ANO1: variants seen among roughly 807,000 people sequenced by gnomAD.
ANO1 encodes anoctamin 1, also known as anoctamin-1.
In ANO1, 59 loss-of-function variants were observed where a neutral mutation model predicts 124.0. The ratio of observed to expected loss-of-function variants is 0.48; its 90% CI spans 0.39 to 0.59. The LOEUF is 0.59. ANO1 is among the 20% of genes least tolerant of loss of function. The probability of loss-of-function intolerance (pLI) is 0.00; values close to 1 mark genes in which losing one functional copy is unlikely to be tolerated. For missense variants in ANO1, 1,059 were observed against 1,328.0 expected (o/e 0.80, Z 3.15); for synonymous variants, 529 against 532.0 (o/e 0.99, Z 0.08).
At chr11:70,027,216 G>T (rs1856923050) in intron 1 of ANO1, among the ~76,000 whole-genome samples, 1 of 152,154 alleles carries the variant, frequency 6.6e-6, no homozygotes, top group Non-Finnish European at 1.5e-5. Flanking sequence ...TGAAAATATT[G>T]TTGAGTCAAA....
At chr11:70,093,673 C>T (rs926653284) in intron 2 of ANO1, among the ~76,000 whole-genome samples, 7 of 152,218 alleles carry the variant, frequency 4.6e-5, no homozygotes, top group Non-Finnish European at 8.8e-5. Flanking sequence ...AGTCTGTACC[C>T]CACTGGCTCG....
At chr11:70,153,228 G>A (rs1412716143) in intron 14 of ANO1, 100 bp downstream of exon 14, 5 of 1,083,588 alleles carry the variant, frequency 4.6e-6, no homozygotes, top group Non-Finnish European at 6.8e-6. Flanking sequence ...ATTGTAGGCT[G>A]TGTAACCCCG....
At chr11:70,048,389 CT>C (rs1258889485) in intron 1 of ANO1, among the ~76,000 whole-genome samples, 1 of 151,906 alleles carries the variant, frequency 6.6e-6, no homozygotes, top group South Asian at 2.1e-4. Flanking sequence ...AGTTTCTATT[CT>C]TTTTTTCCCC....
At chr11:70,108,877 G>A (rs367766042) in intron 6 of ANO1, among the ~76,000 whole-genome samples, 1 of 152,174 alleles carries the variant, frequency 6.6e-6, no homozygotes, top group Non-Finnish European at 1.5e-5. Flanking sequence ...GCCTAATTCC[G>A]GAAGCTGCCA....
chr11:70,062,633 G>A (rs1257311042), intron 1 of ANO1, among the ~76,000 whole-genome samples: 3 of 152,118 alleles, frequency 2.0e-5, no homozygotes, highest in African/African-American at 4.8e-5. Flanking sequence ...CATGTGCTCC[G>A]TGCCTGTCTC....
intron 22 of ANO1, among the ~76,000 whole-genome samples, chr11:70,179,394 G>A (rs1165983598): frequency 6.6e-6 from 1 of 152,196 alleles, no homozygotes; most frequent in Non-Finnish European, 1.5e-5. Flanking sequence ...TAGTTCTCAT[G>A]GCCACTGGGA....
At chr11:70,007,600 T>G (rs1376137613) in intron 1 of ANO1, among the ~76,000 whole-genome samples, 1 of 152,190 alleles carries the variant, frequency 6.6e-6, no homozygotes, top group Non-Finnish European at 1.5e-5. Context: ...TTTTTAAGGC[T>G]TAACAATATC....
chr11:70,144,481 G>C (rs1282873862), intron 11 of ANO1, among the ~76,000 whole-genome samples: 1 of 152,242 alleles, frequency 6.6e-6, no homozygotes, highest in African/African-American at 2.4e-5. Flanking sequence ...GTGGTCAGCT[G>C]CCCATGCTCA....
intron 25 of ANO1, 55 bp downstream of exon 25, chr11:70,185,750 T>C: frequency 6.4e-7 from 1 of 1,562,948 alleles, no homozygotes; most frequent in Non-Finnish European, 8.8e-7. Context: ...TTAGGGACCA[T>C]CCTGTGCCTA....
At chr11:70,091,712 G>A (rs1429953999) in intron 2 of ANO1, among the ~76,000 whole-genome samples, 4 of 152,286 alleles carry the variant, frequency 2.6e-5, no homozygotes, top group African/African-American at 9.6e-5. Context: ...GGCTGTGCAG[G>A]TGTGACCTGG....
In ANO1 at chr11:70,179,963, A is replaced by G. The variant is rs778369997; in HGVS notation, c.2351-41A>G. The stretch of plus-strand genomic sequence containing the variant: ...CTGCCTGGTAGCTGGAATGACTGAG[A>G]GTGTAGGGCTCTTTAAAACTGTGAC... On this transcript the variant is annotated intron_variant, in intron 22 of 25. Coordinates refer to ENST00000355303, the MANE Select transcript of ANO1 (RefSeq NM_018043.7). 12 of 1,574,048 alleles carry G rather than the reference A, an allele frequency of 7.6e-6. No individual in the cohort carries two copies. The Admixed American group carries it at 1.5e-4, about 20-fold the overall frequency.
Position 70,188,009 on chromosome 11 carries a change from G to A in ANO1, c.*5G>A. 1 of 1,554,652 alleles carries A rather than the reference G, an allele frequency of 6.4e-7. No homozygotes were observed. On this transcript the variant is annotated 3_prime_UTR_variant, in exon 26 of 26. Transcript: ENST00000355303. ...TACCACGGGGGCGTCCTGTAGCTAT[G>A]CCAGCGGGGCTGGGCAGGCCAGCCG...
chr11:70,042,176 C>A (rs527565529), intron 1 of ANO1, among the ~76,000 whole-genome samples: 6 of 152,226 alleles, frequency 3.9e-5, no homozygotes. Flanking sequence ...TCTGTCCCTT[C>A]CCCAGCCTTA....
At chr11:70,176,200 C>A (rs1276246257) in intron 22 of ANO1, among the ~76,000 whole-genome samples, 1 of 150,682 alleles carries the variant, frequency 6.6e-6, no homozygotes, top group South Asian at 2.1e-4. Context: ...CTCTTGACAC[C>A]CAGGCTGAAG....
chr11:70,016,804 A>G (rs934494686), intron 1 of ANO1, among the ~76,000 whole-genome samples: 4 of 152,176 alleles, frequency 2.6e-5, no homozygotes, highest in Admixed American at 6.5e-5. Context: ...TGGGCAAAGG[A>G]GATAGGGAAT....
intron 11 of ANO1, among the ~76,000 whole-genome samples, chr11:70,135,246 C>T (rs887508941): frequency 2.0e-5 from 3 of 152,286 alleles, no homozygotes; most frequent in Middle Eastern, 3.4e-3. Flanking sequence ...CTTAGACTCC[C>T]TGTAGCCACT....
chr11:70,081,455 G>A (rs1024562166), intron 1 of ANO1, among the ~76,000 whole-genome samples: 3 of 152,172 alleles, frequency 2.0e-5, no homozygotes, highest in African/African-American at 7.2e-5. Context: ...GTAGTGACCT[G>A]GTTTTAAAAT....
intron 1 of ANO1, among the ~76,000 whole-genome samples, chr11:69,986,444 CG>C (rs1227450157): frequency 6.6e-6 from 1 of 152,108 alleles, no homozygotes; most frequent in East Asian, 1.9e-4. Context: ...CTGGGGGCGC[CG>C]CCGGGCAGGG....
chr11:69,996,472 G>T lies in ANO1; in HGVS notation c.58+10306G>T, dbSNP rs79958316. On this transcript the variant is annotated intron_variant, in intron 1 of 27. Transcript: ENST00000531349. Reference sequence around the variant, plus strand: ...GAGGCTCTCCAACTTCCATTTCAAAGGGAGAAATGTTTAAATGATCATGTT... The same window carrying T: ...GAGGCTCTCCAACTTCCATTTCAAATGGAGAAATGTTTAAATGATCATGTT... 9.5e-4 allele frequency among the ~76,000 whole-genome samples: 145 copies of T among 152,284 alleles called. 1 individual carries two copies. Among genetic ancestry groups the T allele is most frequent in the Admixed American group, 4.1e-3 (62 of 15,294 alleles).
Sources: gnomAD v4.1 joint callset for allele counts (sites outside exome capture counted in the v4.1 genomes callset) on GRCh38, gnomAD v4.1.1 for gene constraint, MANE v1.5 for transcripts, NCBI Gene and HGNC (gene_info 2026-07-23, HGNC 2026-07-21) for gene names.